DGKI: variants seen among roughly 807,000 people sequenced by gnomAD.
The protein encoded by DGKI is diacylglycerol kinase iota.
Under a neutral mutation model 147.5 loss-of-function variants are expected in DGKI, and 55 were observed. The observed-to-expected ratio is 0.37, with a 90% CI of 0.30 to 0.47. The LOEUF is 0.47. Among genes scored for constraint, DGKI ranks in the 20% least tolerant of loss-of-function variants. The pLI is 1.00. For synonymous variants in DGKI, 469 were observed against 477.1 expected, an observed-to-expected ratio of 0.98 and a Z score of 0.22; for missense variants, 1,007 against 1,323.8, an observed-to-expected ratio of 0.76 and a Z score of 3.71.
At chr7:137,595,860 G>A (rs771706765) in intron 12 of DGKI, among the ~76,000 whole-genome samples, 7 of 151,636 alleles carry the variant, frequency 4.6e-5, no homozygotes, top group East Asian at 1.9e-4. Context: ...AAATTAGCCC[G>A]CTGTGGTGGC....
At chr7:137,658,477 C>T (rs767102094) in intron 3 of DGKI, among the ~76,000 whole-genome samples, 10 of 152,182 alleles carry the variant, frequency 6.6e-5, no homozygotes, top group Non-Finnish European at 1.2e-4. Context: ...TAGTAAATTA[C>T]ATTGTGGATA....
At chr7:137,663,360 G>A (rs958816898) in intron 3 of DGKI, among the ~76,000 whole-genome samples, 9 of 152,184 alleles carry the variant, frequency 5.9e-5, no homozygotes, top group Admixed American at 2.0e-4. Flanking sequence ...CAAAATCTGA[G>A]GCTGAACCAG....
At chr7:137,394,141 C>G (rs1403143848) in intron 32 of DGKI, among the ~76,000 whole-genome samples, 1 of 152,080 alleles carries the variant, frequency 6.6e-6, no homozygotes. Context: ...CGAGAGTGTT[C>G]TAAAACTCTC....
intron 1 of DGKI, among the ~76,000 whole-genome samples, chr7:137,693,050 G>A (rs996825615): frequency 6.6e-6 from 1 of 151,966 alleles, no homozygotes; most frequent in Non-Finnish European, 1.5e-5. Flanking sequence ...ATTCATACAT[G>A]CATACACATT....
intron 19 of DGKI, among the ~76,000 whole-genome samples, chr7:137,570,247 A>G (rs1027875923): frequency 1.3e-5 from 2 of 152,194 alleles, no homozygotes; most frequent in Non-Finnish European, 2.9e-5. Flanking sequence ...GCATAATTTT[A>G]ACTGGTCCGC....
chr7:137,398,080 C>A (rs1016777948), intron 30 of DGKI, among the ~76,000 whole-genome samples: 4 of 152,204 alleles, frequency 2.6e-5, no homozygotes, highest in Admixed American at 1.3e-4. Context: ...CTCTTGCCCT[C>A]TTCAGCCTAT....
intron 8 of DGKI, among the ~76,000 whole-genome samples, chr7:137,619,342 T>C (rs1820659704): frequency 6.6e-6 from 1 of 152,114 alleles, no homozygotes; most frequent in Admixed American, 6.5e-5. Context: ...CAAATGTCAC[T>C]CTCTAAGCAG....
At chr7:137,492,974 A>G (rs971683449) in intron 21 of DGKI, among the ~76,000 whole-genome samples, 1 of 152,042 alleles carries the variant, frequency 6.6e-6, no homozygotes, top group Non-Finnish European at 1.5e-5. Context: ...CCACCACTGC[A>G]GCATCCTCTG....
intron 1 of DGKI, among the ~76,000 whole-genome samples, chr7:137,767,908 AT>A (rs2116836138): frequency 6.6e-6 from 1 of 152,342 alleles, no homozygotes; most frequent in South Asian, 2.1e-4. Flanking sequence ...AAGGTGAGCT[AT>A]TTTTAAAAAT....
At chr7:137,654,295 A>G (rs142320674) in intron 5 of DGKI, among the ~76,000 whole-genome samples, 27 of 152,132 alleles carry the variant, frequency 1.8e-4, no homozygotes, top group African/African-American at 6.0e-4. Flanking sequence ...AGACCGTCTG[A>G]CTCCAGGGCT....
intron 6 of DGKI, among the ~76,000 whole-genome samples, chr7:137,636,861 C>T (rs2129003835): frequency 6.6e-6 from 1 of 152,058 alleles, no homozygotes; most frequent in Non-Finnish European, 1.5e-5. Context: ...TTCTCTCTTG[C>T]CATGTGATCT....
At chr7:137,747,582 C>T (rs950073918) in intron 1 of DGKI, among the ~76,000 whole-genome samples, 28 of 152,174 alleles carry the variant, frequency 1.8e-4, no homozygotes, top group Non-Finnish European at 7.4e-5. Flanking sequence ...GGTCTTTGAG[C>T]CCCTATACTC....
chr7:137,623,770 G>C (rs537293013), intron 6 of DGKI, among the ~76,000 whole-genome samples: 6 of 152,348 alleles, frequency 3.9e-5, no homozygotes, highest in Admixed American at 3.3e-4. Context: ...AAGTGAGAGA[G>C]AGAGGAGGTG....
At chr7:137,711,718 G>A (rs895499780) in intron 1 of DGKI, among the ~76,000 whole-genome samples, 3 of 121,310 alleles carry the variant, frequency 2.5e-5, no homozygotes, top group East Asian at 2.6e-4. Flanking sequence ...TTTTTAAGAC[G>A]GAGTCTCGCT....
chr7:137,492,326 G>A (rs914036172), intron 21 of DGKI, among the ~76,000 whole-genome samples: 7 of 152,298 alleles, frequency 4.6e-5, no homozygotes, highest in Non-Finnish European at 7.3e-5. Context: ...AGGAACATCT[G>A]CCATCGAGAG....
At chr7:137,552,282 C>A in intron 20 of DGKI, 87 bp downstream of exon 20, 1 of 1,446,646 alleles carries the variant, frequency 6.9e-7, no homozygotes, top group Non-Finnish European at 9.5e-7. Context: ...CTTCCCAACA[C>A]AGTGAGGTCC....
At chr7:137,472,343 AATT>A (rs367997893) in intron 23 of DGKI, among the ~76,000 whole-genome samples, 6 of 78,766 alleles carry the variant, frequency 7.6e-5, no homozygotes, top group African/African-American at 2.3e-4. Flanking sequence ...ATATACATAT[AATT>A]ATTATATGTA....
Position 137,552,473 on chromosome 7 carries a change from C to T in DGKI, c.2043G>A (p.Gly681=), listed in dbSNP as rs1461295529. 2 of 1,614,062 alleles carry T rather than the reference C, an allele frequency of 1.2e-6. No individual in the cohort carries two copies. Among genetic ancestry groups the T allele is most frequent in the Admixed American group, 3.3e-5 (2 of 60,004 alleles). ...TYKSIPMQVD[G]EPCRLAPAMI... is the part of the protein sequence containing the mutation. Reference sequence around the variant, plus strand: ...TAGCTGGGGCCAACCTACAGGGCTCCCCATCCACTTGCATGGGGATGGATT... The same window carrying T: ...TAGCTGGGGCCAACCTACAGGGCTCTCCATCCACTTGCATGGGGATGGATT... Residue 681 remains glycine, a synonymous_variant, in exon 20 of 33, where the codon GGG becomes GGA. Coordinates refer to ENST00000614521, the MANE Select transcript of DGKI (RefSeq NM_001321708.2).
At chr7:137,691,585 T>C (rs946258795) in intron 1 of DGKI, among the ~76,000 whole-genome samples, 10 of 152,112 alleles carry the variant, frequency 6.6e-5, no homozygotes, top group African/African-American at 2.4e-4. Flanking sequence ...TTTAAAAGCT[T>C]TCTTGAACCC....
Sources: allele counts gnomAD v4.1 joint callset (sites outside exome capture counted in the v4.1 genomes callset), GRCh38; gene constraint gnomAD v4.1.1; transcripts MANE v1.5; gene names NCBI Gene and HGNC (gene_info 2026-07-23, HGNC 2026-07-21).